The following EEIG2 variants were observed in gnomAD, a reference collection of about 807,000 sequenced individuals.
EEIG2 encodes the protein EEIG family member 2, also known as family with sequence similarity 102 member B.
At chr1:108,561,336 G>A in the EEIG2 span, among the ~76,000 whole-genome samples, 2 of 152,216 alleles carry the variant, frequency 1.3e-5, no homozygotes, top group Non-Finnish European at 1.5e-5. Context: ...CTACTCACAG[G>A]TTGACAGATG....
At chr1:108,627,337 G>A in the EEIG2 span, 1 of 152,210 alleles carries the variant, frequency 6.6e-6, no homozygotes, top group East Asian at 1.9e-4. Flanking sequence ...ACTGCATGCA[G>A]TATCATTTAT....
chr1:108,612,103 G>A, the EEIG2 span: 3 of 1,037,672 alleles, frequency 2.9e-6, no homozygotes, highest in Non-Finnish European at 4.2e-6. Context: ...GGTATGGGTT[G>A]AATATTTATT....
At chr1:108,612,161 T>G in the EEIG2 span, 2 of 1,559,300 alleles carry the variant, frequency 1.3e-6, no homozygotes, top group Non-Finnish European at 1.8e-6. Context: ...TTAATATAAT[T>G]CTCTTTCTTT....
At chr1:108,572,763 G>A in the EEIG2 span, among the ~76,000 whole-genome samples, 80 of 152,134 alleles carry the variant, frequency 5.3e-4, no homozygotes, top group South Asian at 2.3e-3. Flanking sequence ...TTACAGGAGC[G>A]CGCCACCACA....
the EEIG2 span, among the ~76,000 whole-genome samples, chr1:108,591,049 C>T: frequency 6.6e-6 from 1 of 152,154 alleles, no homozygotes; most frequent in African/African-American, 2.4e-5. Context: ...TGGGTTTTCA[C>T]AGTATCAACA....
chr1:108,590,379 C>A, the EEIG2 span, among the ~76,000 whole-genome samples: 9 of 152,134 alleles, frequency 5.9e-5, no homozygotes, highest in South Asian at 2.1e-4. Context: ...TGAAAAAAAT[C>A]TTTCCTTATA....
At chr1:108,572,181 G>C in the EEIG2 span, among the ~76,000 whole-genome samples, 1 of 152,166 alleles carries the variant, frequency 6.6e-6, no homozygotes, top group Non-Finnish European at 1.5e-5. Flanking sequence ...CTTGAAACTT[G>C]ACTATCTTGA....
At chr1:108,628,351 G>A in the EEIG2 span, 17 of 1,611,730 alleles carry the variant, frequency 1.1e-5, no homozygotes, top group South Asian at 1.8e-4. Flanking sequence ...AGATTGCAGA[G>A]TGTTTGATAT....
At chr1:108,637,770 T>A in the EEIG2 span, 1 of 152,464 alleles carries the variant, frequency 6.6e-6, no homozygotes, top group African/African-American at 2.4e-5. Context: ...TTAAACATCT[T>A]GTTTGGGAGA....
the EEIG2 span, chr1:108,625,346 G>A: frequency 1.3e-5 from 2 of 152,236 alleles, no homozygotes; most frequent in Non-Finnish European, 2.9e-5. Context: ...GTAAAAGCAT[G>A]GTGGGGATAA....
At chr1:108,564,045 C>T in the EEIG2 span, among the ~76,000 whole-genome samples, 2 of 152,080 alleles carry the variant, frequency 1.3e-5, no homozygotes, top group African/African-American at 4.8e-5. Flanking sequence ...GATTGCAGAG[C>T]GTTCATGTTG....
chr1:108,620,749 C>A, the EEIG2 span, among the ~76,000 whole-genome samples: 2 of 151,964 alleles, frequency 1.3e-5, no homozygotes, highest in Admixed American at 1.3e-4. Context: ...GGAATTAATT[C>A]TTCCAGGGTC....
At chr1:108,634,968 C>A in the EEIG2 span, 1 of 698,912 alleles carries the variant, frequency 1.4e-6, no homozygotes. Flanking sequence ...AGTTTCTATC[C>A]GTGATGCCTT....
the EEIG2 span, among the ~76,000 whole-genome samples, chr1:108,562,180 G>T: frequency 6.6e-6 from 1 of 152,170 alleles, no homozygotes; most frequent in Non-Finnish European, 1.5e-5. Context: ...CCCCTCAGCT[G>T]GTAAGTGCGA....
chr1:108,568,611 C>T, the EEIG2 span, among the ~76,000 whole-genome samples: 508 of 152,244 alleles, frequency 3.3e-3, 3 homozygotes, highest in African/African-American at 0.011. Flanking sequence ...GGTGCTATAA[C>T]AAGGTATTTT....
chr1:108,576,068 A>C, the EEIG2 span, among the ~76,000 whole-genome samples: 1 of 152,054 alleles, frequency 6.6e-6, no homozygotes, highest in Non-Finnish European at 1.5e-5. Flanking sequence ...GCTGTTCTCA[A>C]ACTCCCGGGT....
the EEIG2 span, among the ~76,000 whole-genome samples, chr1:108,621,832 T>C: frequency 6.7e-6 from 1 of 150,258 alleles, no homozygotes; most frequent in Non-Finnish European, 1.5e-5. Context: ...TGCAGGGTGT[T>C]TTTTTTTTTC....
chr1:108,603,587 C>T, the EEIG2 span, among the ~76,000 whole-genome samples: 1 of 152,154 alleles, frequency 6.6e-6, no homozygotes, highest in African/African-American at 2.4e-5. Flanking sequence ...ATTATTTCTT[C>T]AAGTTTTCAT....
At chr1:108,593,053 G>A in the EEIG2 span, among the ~76,000 whole-genome samples, 1 of 152,164 alleles carries the variant, frequency 6.6e-6, no homozygotes, top group Non-Finnish European at 1.5e-5. Flanking sequence ...AGCTACTCGG[G>A]AGGCTGAGAC....
Sources: gnomAD v4.1 joint callset for allele counts (sites outside exome capture counted in the v4.1 genomes callset) on GRCh38, gnomAD v4.1.1 for gene constraint, MANE v1.5 for transcripts, NCBI Gene and HGNC (gene_info 2026-07-23, HGNC 2026-07-21) for gene names.